Variants in DCLK2 observed in about 807,000 individuals in gnomAD.
The protein encoded by DCLK2 is doublecortin like kinase 2.
Under a neutral mutation model 78.4 loss-of-function variants are expected in DCLK2, and 31 were observed. That is an observed-to-expected ratio of 0.40 (90% CI 0.30 to 0.53). The LOEUF (loss-of-function observed/expected upper bound fraction) is 0.53. DCLK2 is among the 20% of genes least tolerant of loss of function. The pLI is 0.61. For missense variants in DCLK2, 872 were observed against 973.7 expected, an observed-to-expected ratio of 0.90 and a Z score of 1.39; for synonymous variants, 407 against 374.9, an observed-to-expected ratio of 1.09 and a Z score of -0.99.
At chr4:150,181,733 C>G (rs1347767027) in intron 2 of DCLK2, among the ~76,000 whole-genome samples, 1 of 151,998 alleles carries the variant, frequency 6.6e-6, no homozygotes, top group Non-Finnish European at 1.5e-5. Context: ...TCCATGGCAA[C>G]CACATGGTCC....
In DCLK2 at chr4:150,223,986, T is replaced by C. The variant is rs139965501; in HGVS notation, c.1242-515T>C. 2.1e-4 allele frequency among the ~76,000 whole-genome samples: 32 copies of C among 152,188 alleles called. No homozygotes were observed. In the East Asian group the frequency reaches 6.2e-3, roughly 29 times the overall value. ...ATTGATAATAAAATTTTCTGTTAATTTGGTTTTTTAAAACTTTATTCTGTC... is the reference window on the plus strand; with the variant it reads ...ATTGATAATAAAATTTTCTGTTAATCTGGTTTTTTAAAACTTTATTCTGTC... On this transcript the variant is annotated intron_variant, in intron 7 of 15. Coordinates refer to ENST00000296550, the MANE Select transcript of DCLK2 (RefSeq NM_001040260.4).
At chr4:150,157,250 A>C (rs1735356273) in intron 2 of DCLK2, among the ~76,000 whole-genome samples, 1 of 151,320 alleles carries the variant, frequency 6.6e-6, no homozygotes, top group Admixed American at 6.6e-5. Flanking sequence ...ATCTTTTTAA[A>C]ATTTTTTAAA....
intron 2 of DCLK2, 25 bp downstream of exon 2, chr4:150,102,837 C>T (rs1230556943): frequency 6.4e-7 from 1 of 1,560,064 alleles, no homozygotes; most frequent in Non-Finnish European, 8.6e-7. Context: ...GCTCCCAGCT[C>T]TCCATCTGAC....
In DCLK2 at chr4:150,088,812, G is replaced by A. The variant is rs190181079; in HGVS notation, c.421+9364G>A. Among the ~76,000 whole-genome samples, 513 of 152,314 alleles carry A rather than the reference G, an allele frequency of 3.4e-3. 4 individuals are homozygous for A. Among genetic ancestry groups the A allele is most frequent in the African/African-American group, 0.011 (443 of 41,576 alleles). On this transcript the variant is annotated intron_variant, in intron 1 of 15. Transcript: ENST00000296550. The stretch of plus-strand genomic sequence containing the variant: ...TTCAGCCTCCCCAAGGGGAAAAAAA[G>A]ATCATTCCAGCCCCTTTCAGCTCTG...
intron 5 of DCLK2, among the ~76,000 whole-genome samples, chr4:150,210,249 T>A (rs934743033): frequency 6.6e-6 from 1 of 152,208 alleles, no homozygotes; most frequent in Admixed American, 6.5e-5. Context: ...AGAAAGCAGT[T>A]AGGGTAGCCT....
chr4:150,103,478 A>G (rs1731025603), intron 2 of DCLK2, among the ~76,000 whole-genome samples: 1 of 152,220 alleles, frequency 6.6e-6, no homozygotes, highest in African/African-American at 2.4e-5. Context: ...GAATTTTGCT[A>G]CAATCAGATT....
chr4:150,117,959 T>G (rs1732223142), intron 2 of DCLK2, among the ~76,000 whole-genome samples: 1 of 152,212 alleles, frequency 6.6e-6, no homozygotes, highest in African/African-American at 2.4e-5. Context: ...CCACTGATCC[T>G]TACAACTTTG....
chr4:150,256,155 G>GGCCC lies in DCLK2; in HGVS notation c.2209_2210insGCCC (p.Ala737GlyfsTer21). On this transcript the variant is annotated frameshift_variant, in exon 16 of 16. Coordinates refer to ENST00000296550, the MANE Select transcript of DCLK2 (RefSeq NM_001040260.4). LOFTEE classifies it high-confidence loss of function. ...CCCTGTGCCTGGGGAAGCAGTCCCG[G>GGCCC]CCCCCACCCCTCCGGAATCTCCCAC... 2 of 1,593,380 alleles carry GGCCC rather than the reference G, an allele frequency of 1.3e-6. No homozygotes were observed. Among genetic ancestry groups the GGCCC allele is most frequent in the African/African-American group, 1.4e-5 (1 of 73,820 alleles).
chr4:150,152,152 G>C (rs2150230411), intron 2 of DCLK2, among the ~76,000 whole-genome samples: 1 of 152,288 alleles, frequency 6.6e-6, no homozygotes, highest in Non-Finnish European at 1.5e-5. Flanking sequence ...ACAGGGAACA[G>C]TAAGTATAGC....
intron 7 of DCLK2, among the ~76,000 whole-genome samples, chr4:150,223,692 C>T (rs1741370361): frequency 6.6e-6 from 1 of 151,924 alleles, no homozygotes; most frequent in South Asian, 2.1e-4. Flanking sequence ...TGCAGTGAGC[C>T]AAGATTGCGC....
chr4:150,192,072 A>G (rs887535306), intron 2 of DCLK2, among the ~76,000 whole-genome samples: 4 of 152,210 alleles, frequency 2.6e-5, no homozygotes, highest in Admixed American at 1.3e-4. Context: ...GTCCTAGAAG[A>G]TGGTTCTTCT....
chr4:150,159,427 G>T (rs958777539), intron 2 of DCLK2, among the ~76,000 whole-genome samples: 1 of 152,176 alleles, frequency 6.6e-6, no homozygotes. Flanking sequence ...GCCACTCTTA[G>T]GTTCCTAATC....
chr4:150,179,412 A>G (rs1299810299), intron 2 of DCLK2, among the ~76,000 whole-genome samples: 1 of 152,190 alleles, frequency 6.6e-6, no homozygotes, highest in Non-Finnish European at 1.5e-5. Context: ...TGTCTTTGCT[A>G]TTCGTGCTGA....
rs373561276 is a variant in DCLK2 at position 150,198,029 on chromosome 4, C to G, written c.887C>G (p.Ser296Cys). The G allele has an allele frequency of 1.2e-6, 2 of 1,613,516 alleles. No homozygotes were observed. The highest frequency in any genetic ancestry group is 2.2e-5 in the South Asian group (2 of 90,920). The change falls in exon 4 of 16, where the codon TCT becomes TGT. Residue 296 changes from serine (S) to cysteine (C), a missense_variant. Coordinates refer to ENST00000296550, the MANE Select transcript of DCLK2 (RefSeq NM_001040260.4). Reference protein sequence around the residue: ...SECRVLKSSYSRSSAVKYSGS... With the variant: ...SECRVLKSSYCRSSAVKYSGS... Reference sequence around the variant, plus strand: ...TGTCGTGTCCTGAAGTCATCTTATTCTCGATCCTCAGCTGTTAAGTATTCT... The same window carrying G: ...TGTCGTGTCCTGAAGTCATCTTATTGTCGATCCTCAGCTGTTAAGTATTCT...
At chr4:150,246,316 G>C (rs1358407995) in intron 12 of DCLK2, among the ~76,000 whole-genome samples, 1 of 152,214 alleles carries the variant, frequency 6.6e-6, no homozygotes, top group Non-Finnish European at 1.5e-5. Flanking sequence ...CAGAGTGTTG[G>C]GATTACAGGC....
At chr4:150,200,184 A>C (rs1325370834) in intron 4 of DCLK2, among the ~76,000 whole-genome samples, 2 of 152,238 alleles carry the variant, frequency 1.3e-5, no homozygotes, top group Admixed American at 6.5e-5. Flanking sequence ...TAGCCTAATA[A>C]ATATATACAT....
At position 150,222,710 on chromosome 4, in the gene DCLK2, CA is replaced by C. The variant is rs1245877405; in HGVS notation, c.1241+933del. On this transcript the variant is annotated intron_variant, in intron 7 of 15. Coordinates refer to ENST00000296550, the MANE Select transcript of DCLK2 (RefSeq NM_001040260.4). ...AAAACAAGACAAACAAAAAAAAAAACAAAAAAAATTCCAGGTTGGGTGGCAC... is the reference window on the plus strand; with the variant it reads ...AAAACAAGACAAACAAAAAAAAAAACAAAAAAATTCCAGGTTGGGTGGCAC... Among the ~76,000 whole-genome samples, 5 of 149,982 alleles carry C rather than the reference CA, an allele frequency of 3.3e-5. No homozygotes were observed. The East Asian group carries it at 9.8e-4, about 29-fold the overall frequency.
rs547076647 is a variant in DCLK2 at position 150,176,723 on chromosome 4, C to T, written c.757-16415C>T. 4.6e-5 allele frequency among the ~76,000 whole-genome samples: 7 copies of T among 152,310 alleles called. No individual in the cohort carries two copies. The South Asian group carries it at 1.5e-3, about 32-fold the overall frequency. Reference sequence around the variant, plus strand: ...ATCAGTCCCAGCTGGAGAAAAGAGACTGCATTCCCTTTGCTTTTCCATTCA... The same window carrying T: ...ATCAGTCCCAGCTGGAGAAAAGAGATTGCATTCCCTTTGCTTTTCCATTCA... On this transcript the variant is annotated intron_variant, in intron 2 of 15. Transcript: ENST00000296550.
At chr4:150,090,515 A>G (rs371686547) in intron 1 of DCLK2, among the ~76,000 whole-genome samples, 1 of 98,412 alleles carries the variant, frequency 1.0e-5, no homozygotes, top group Admixed American at 9.0e-5. Context: ...CCCATGTATG[A>G]GGAGCAAAAA....
Sources: gnomAD v4.1 joint callset for allele counts (sites outside exome capture counted in the v4.1 genomes callset) on GRCh38, gnomAD v4.1.1 for gene constraint, MANE v1.5 for transcripts, NCBI Gene and HGNC (gene_info 2026-07-23, HGNC 2026-07-21) for gene names.